Variants in NAALADL2 observed in about 807,000 individuals in gnomAD.
NAALADL2 encodes N-acetylated alpha-linked acidic dipeptidase like 2.
A neutral mutation model predicts 87.2 loss-of-function variants in NAALADL2; 76 were observed. The observed-to-expected ratio is 0.87, with a 90% CI of 0.72 to 1.05. The LOEUF is 1.05. NAALADL2 is among the 50% of genes least tolerant of loss of function. The pLI is 0.00. For synonymous variants in NAALADL2, 354 were observed against 331.0 expected (o/e 1.07, Z -0.75); for missense variants, 1,089 against 945.8 (o/e 1.15, Z -1.99).
rs1491162200 is a variant in NAALADL2, at chr3:175,809,510, T to TAAAAAAAAAAAAAAAAAAA, written c.*6307_*6308insAAAAAAAAAAAAAAAAAAA. ...GCAACAAAGTGAGACCCTGTCTCTCTTAAAAAAAAAAAAAAAAAAAAAAAA... is the reference window on the plus strand; with the variant it reads ...GCAACAAAGTGAGACCCTGTCTCTCTAAAAAAAAAAAAAAAAAAATAAAAAAAAAAAAAAAAAAAAAAAA... On this transcript the variant is annotated 3_prime_UTR_variant, in exon 14 of 14. Transcript: ENST00000454872. The TAAAAAAAAAAAAAAAAAAA allele has an allele frequency of 5.8e-5, 2 of 34,374 alleles. 1 individual carries two copies. The highest frequency in any genetic ancestry group is 1.5e-4 in the Non-Finnish European group (2 of 13,316). 2.1% of individuals were successfully genotyped at this position (34,374 alleles called of 1,614,324 possible). A position where few individuals can be genotyped will look rare whatever the true frequency, so the allele number is the denominator to read the frequency against.
intron 4 of NAALADL2, among the ~76,000 whole-genome samples, chr3:175,312,083 G>A (rs1490652693): frequency 6.6e-6 from 1 of 152,028 alleles, no homozygotes; most frequent in Non-Finnish European, 1.5e-5. Flanking sequence ...AGAGACACTG[G>A]AATCTTACAA....
chr3:175,748,448 CTT>C (rs1201800173), intron 12 of NAALADL2, among the ~76,000 whole-genome samples: 1 of 152,188 alleles, frequency 6.6e-6, no homozygotes, highest in African/African-American at 2.4e-5. Flanking sequence ...ATCTTCTACT[CTT>C]TTAACCACTG....
intron 9 of NAALADL2, among the ~76,000 whole-genome samples, chr3:175,528,862 G>A (rs1733750415): frequency 6.6e-6 from 1 of 152,190 alleles, no homozygotes; most frequent in Non-Finnish European, 1.5e-5. Context: ...TTTAACAAAA[G>A]AAGGAGGAAA....
chr3:174,468,053 G>T (rs1475093045), intron 1 of NAALADL2, among the ~76,000 whole-genome samples: 1 of 152,156 alleles, frequency 6.6e-6, no homozygotes, highest in Admixed American at 6.5e-5. Flanking sequence ...AGCAAAAGCT[G>T]TCTTCTACAG....
At chr3:174,667,458 T>C (rs988138358) in intron 2 of NAALADL2, among the ~76,000 whole-genome samples, 1 of 151,942 alleles carries the variant, frequency 6.6e-6, no homozygotes, top group Non-Finnish European at 1.5e-5. Flanking sequence ...ATTCTAGCTT[T>C]TTGCCTTATC....
chr3:175,449,009 A>G (rs1721118272), intron 6 of NAALADL2, among the ~76,000 whole-genome samples: 1 of 152,068 alleles, frequency 6.6e-6, no homozygotes, highest in Non-Finnish European at 1.5e-5. Flanking sequence ...AGCCACCATA[A>G]CTGGATTAAT....
chr3:175,649,936 G>T (rs1186344338), intron 11 of NAALADL2, among the ~76,000 whole-genome samples: 1 of 150,820 alleles, frequency 6.6e-6, no homozygotes, highest in African/African-American at 2.4e-5. Context: ...ATATACTATG[G>T]TACAATATGG....
At chr3:174,980,541 C>T (rs1459287664) in intron 1 of NAALADL2, among the ~76,000 whole-genome samples, 1 of 152,072 alleles carries the variant, frequency 6.6e-6, no homozygotes, top group African/African-American at 2.4e-5. Flanking sequence ...TAACCCAAAG[C>T]ATTCAGGAAT....
At position 175,613,821 on chromosome 3, in the gene NAALADL2, G is replaced by A. The variant is rs188553479; in HGVS notation, c.1801-13470G>A. On this transcript the variant is annotated intron_variant, in intron 10 of 13. Coordinates refer to ENST00000454872, the MANE Select transcript of NAALADL2 (RefSeq NM_207015.3). ...GGGTTAATTGAGCTACTATTACAAT[G>A]TATTTTAGCATCATTTGCCATTATT... is the stretch of plus-strand genomic sequence containing the variant. 3.9e-5 allele frequency among the ~76,000 whole-genome samples: 6 copies of A among 152,168 alleles called. No individual in the cohort carries two copies. In the South Asian group the frequency reaches 6.2e-4, roughly 16 times the overall value.
chr3:175,172,712 G>A (rs1438591139), intron 2 of NAALADL2, among the ~76,000 whole-genome samples: 4 of 152,112 alleles, frequency 2.6e-5, no homozygotes, highest in Non-Finnish European at 4.4e-5. Context: ...AGTGAACACA[G>A]GAAATGGAAG....
chr3:174,971,691 G>A (rs964449280), intron 1 of NAALADL2, among the ~76,000 whole-genome samples: 1 of 151,810 alleles, frequency 6.6e-6, no homozygotes, highest in Admixed American at 6.6e-5. Context: ...GTGTGTGTGT[G>A]TGTGTGTGTG....
chr3:175,235,977 C>T lies in NAALADL2; in HGVS notation c.819+1773C>T, dbSNP rs1745770582. Among the ~76,000 whole-genome samples, 4 of 152,156 alleles carry T rather than the reference C, an allele frequency of 2.6e-5. No individual in the cohort carries two copies. The South Asian group carries it at 8.3e-4, about 32-fold the overall frequency. ...TTAGATACGGGTTCACCACAAAAAC[C>T]CTCCCTCAATGCCCGTGCACTTTCA... On this transcript the variant is annotated intron_variant, in intron 3 of 13. Transcript: ENST00000454872.
intron 9 of NAALADL2, among the ~76,000 whole-genome samples, chr3:175,483,000 C>T (rs1290128953): frequency 6.6e-6 from 1 of 151,920 alleles, no homozygotes; most frequent in East Asian, 1.9e-4. Context: ...AATAAACATA[C>T]CTGTTCCTTA....
chr3:174,961,844 T>A (rs1316164863), intron 1 of NAALADL2, among the ~76,000 whole-genome samples: 1 of 151,950 alleles, frequency 6.6e-6, no homozygotes, highest in Non-Finnish European at 1.5e-5. Context: ...GTTCTACATG[T>A]TTTACAGATA....
chr3:175,335,223 A>C (rs919982839), intron 5 of NAALADL2, among the ~76,000 whole-genome samples: 3 of 152,202 alleles, frequency 2.0e-5, no homozygotes, highest in Admixed American at 6.5e-5. Context: ...ATTTAAATGA[A>C]ATAAAATTTA....
intron 11 of NAALADL2, among the ~76,000 whole-genome samples, chr3:175,715,647 G>A (rs1417634045): frequency 6.6e-6 from 1 of 152,036 alleles, no homozygotes; most frequent in Non-Finnish European, 1.5e-5. Context: ...AGGCTGAGGA[G>A]AGAAGACTAC....
intron 1 of NAALADL2, among the ~76,000 whole-genome samples, chr3:175,028,316 T>C (rs1359617072): frequency 6.6e-6 from 1 of 152,118 alleles, no homozygotes; most frequent in Non-Finnish European, 1.5e-5. Context: ...TAACAATTTC[T>C]CATTTTGTTA....
rs575742486 is a variant in NAALADL2 at position 174,836,010 on chromosome 3, G to A, written c.-9+98264G>A. The stretch of plus-strand genomic sequence containing the variant: ...TTTTACTTCTGGTTATATACGTAAA[G>A]TAAGTCAAAGTGAGGCCTTGAGATC... On this transcript the variant is annotated intron_variant, in intron 3 of 3. Transcript: ENST00000434257. Among the ~76,000 whole-genome samples, 7 of 152,294 alleles carry A rather than the reference G, an allele frequency of 4.6e-5. No homozygotes were observed. In the East Asian group the frequency reaches 1.2e-3, roughly 25 times the overall value.
At chr3:175,248,498 A>G (rs1448118444) in intron 3 of NAALADL2, among the ~76,000 whole-genome samples, 1 of 152,094 alleles carries the variant, frequency 6.6e-6, no homozygotes, top group Non-Finnish European at 1.5e-5. Flanking sequence ...ATTTCAACAC[A>G]TCTTGTCTCA....
Sources: gnomAD v4.1 joint callset for allele counts (sites outside exome capture counted in the v4.1 genomes callset) on GRCh38, gnomAD v4.1.1 for gene constraint, MANE v1.5 for transcripts, NCBI Gene and HGNC (gene_info 2026-07-23, HGNC 2026-07-21) for gene names.